Variants in CSMD1 observed in about 807,000 individuals in gnomAD.
The protein encoded by CSMD1 is CUB and Sushi multiple domains 1.
In CSMD1, 213 loss-of-function variants were observed where a neutral mutation model predicts 417.5. The ratio of observed to expected loss-of-function variants is 0.51; its 90% CI spans 0.46 to 0.57. CSMD1 has a LOEUF of 0.57. Ranked by LOEUF, CSMD1 falls within the 20% of genes least tolerant of loss-of-function variation. The probability of loss-of-function intolerance (pLI) is 0.00; values close to 1 mark genes in which losing one functional copy is unlikely to be tolerated. For synonymous variants in CSMD1, 2,862 were observed against 1,736.8 expected (o/e 1.65, Z -16.11); for missense variants, 6,923 against 4,529.7 (o/e 1.53, Z -15.17).
intron 5 of CSMD1, among the ~76,000 whole-genome samples, chr8:3,849,691 G>C (rs1043100864): frequency 1.3e-5 from 2 of 152,176 alleles, no homozygotes; most frequent in African/African-American, 4.8e-5. Flanking sequence ...GTCAACTGCT[G>C]AAATCAGGAT....
intron 26 of CSMD1, among the ~76,000 whole-genome samples, chr8:3,247,030 T>C (rs986945884): frequency 1.3e-5 from 2 of 152,182 alleles, no homozygotes; most frequent in Non-Finnish European, 2.9e-5. Flanking sequence ...CATGTATTCA[T>C]TTTTGTATTG....
intron 3 of CSMD1, among the ~76,000 whole-genome samples, chr8:4,338,815 G>A (rs545057035): frequency 1.3e-5 from 2 of 151,978 alleles, no homozygotes; most frequent in Admixed American, 6.6e-5. Flanking sequence ...AATTACTCTT[G>A]TGTTGCCTTA....
At chr8:4,914,756 A>C (rs1805938280) in intron 1 of CSMD1, among the ~76,000 whole-genome samples, 1 of 152,188 alleles carries the variant, frequency 6.6e-6, no homozygotes, top group African/African-American at 2.4e-5. Context: ...GTGTTTTCTC[A>C]GTTTACGTCA....
Position 4,688,703 on chromosome 8 carries a change from T to C in CSMD1, c.86-51145A>G, listed in dbSNP as rs140411696. Among the ~76,000 whole-genome samples, 363 of 152,290 alleles carry C rather than the reference T, an allele frequency of 2.4e-3. 15 individuals are homozygous for C. The South Asian group carries it at 0.058, about 24-fold the overall frequency. ...TAGTTATTTTCATATGAGATTCGTG[T>C]AGCACTCCACAAATGTCATCTCATT... On this transcript the variant is annotated intron_variant, in intron 1 of 69. Coordinates refer to ENST00000635120, the MANE Select transcript of CSMD1 (RefSeq NM_033225.6).
chr8:4,480,856 A>G (rs1423056793), intron 2 of CSMD1, among the ~76,000 whole-genome samples: 1 of 152,152 alleles, frequency 6.6e-6, no homozygotes, highest in African/African-American at 2.4e-5. Flanking sequence ...ATTGTCATTA[A>G]TCCCTGGGTC....
chr8:3,365,014 C>T (rs1055644897), intron 20 of CSMD1, among the ~76,000 whole-genome samples: 2 of 152,138 alleles, frequency 1.3e-5, no homozygotes, highest in Admixed American at 1.3e-4. Flanking sequence ...GCGTCACTGC[C>T]ATTTTCTTTT....
intron 11 of CSMD1, among the ~76,000 whole-genome samples, chr8:3,490,210 G>A (rs1051772914): frequency 1.3e-5 from 2 of 152,090 alleles, no homozygotes; most frequent in Non-Finnish European, 2.9e-5. Flanking sequence ...AGCTGATCCC[G>A]GCTGCATTAT....
chr8:3,128,983 G>A (rs1445758002), intron 41 of CSMD1: 1 of 395,528 alleles, frequency 2.5e-6, no homozygotes, highest in Non-Finnish European at 5.0e-6. Flanking sequence ...ATACTAGCAT[G>A]GAGTTAAGTG....
At chr8:4,215,377 G>A (rs553332993) in intron 3 of CSMD1, among the ~76,000 whole-genome samples, 9 of 152,192 alleles carry the variant, frequency 5.9e-5, no homozygotes, top group Non-Finnish European at 8.8e-5. Flanking sequence ...ATTTTAGATA[G>A]AACATGAATA....
At chr8:3,607,972 C>T (rs1801702027) in intron 8 of CSMD1, among the ~76,000 whole-genome samples, 1 of 152,032 alleles carries the variant, frequency 6.6e-6, no homozygotes, top group African/African-American at 2.4e-5. Context: ...GAGTTCAAGA[C>T]CAGCCTGGCA....
chr8:3,986,921 A>G (rs1814371196), intron 5 of CSMD1, among the ~76,000 whole-genome samples: 2 of 151,950 alleles, frequency 1.3e-5, no homozygotes, highest in South Asian at 2.1e-4. Flanking sequence ...TGCCCAGCTA[A>G]TTTTTGTATT....
intron 3 of CSMD1, among the ~76,000 whole-genome samples, chr8:4,170,760 G>C (rs74612109): frequency 6.6e-6 from 1 of 151,766 alleles, no homozygotes; most frequent in South Asian, 2.1e-4. Context: ...GAAAAAGGTA[G>C]CTAAGGGACA....
chr8:4,384,934 C>G (rs77990713), intron 3 of CSMD1, among the ~76,000 whole-genome samples: 1,682 of 152,264 alleles, frequency 0.011, 31 homozygotes, highest in African/African-American at 0.037. Context: ...AGGTAATCAT[C>G]TTCACATCAG....
intron 3 of CSMD1, among the ~76,000 whole-genome samples, chr8:4,298,239 C>T (rs1011797594): frequency 6.6e-6 from 1 of 152,110 alleles, no homozygotes; most frequent in African/African-American, 2.4e-5. Flanking sequence ...CCTGTTTCTG[C>T]AATTAAAACT....
At chr8:2,969,925 T>C (rs558496638) in intron 57 of CSMD1, among the ~76,000 whole-genome samples, 13 of 152,300 alleles carry the variant, frequency 8.5e-5, no homozygotes, top group African/African-American at 3.1e-4. Context: ...TATCATATAA[T>C]GCAGTTTTAG....
intron 5 of CSMD1, among the ~76,000 whole-genome samples, chr8:3,872,257 CT>C (rs1258588946): frequency 6.6e-6 from 1 of 152,096 alleles, no homozygotes; most frequent in East Asian, 1.9e-4. Context: ...GAAAAGGGTT[CT>C]TCTGTGAACT....
rs767668610 is a variant in CSMD1, at chr8:3,817,252, C to CTTTTTTT, written c.819-63217_819-63211dup. Among the ~76,000 whole-genome samples the CTTTTTTT allele has an allele frequency of 5.5e-4, 30 of 54,420 alleles. 5 individuals are homozygous for CTTTTTTT. The highest frequency in any genetic ancestry group is 1.7e-3 in the South Asian group (2 of 1,200). 35.7% of individuals were successfully genotyped at this position (54,420 alleles called of 152,430 possible). On this transcript the variant is annotated intron_variant, in intron 5 of 69. Transcript: ENST00000635120. Reference sequence around the variant, plus strand: ...TCCAAAGTGGTCATATCTTCTTCTTCTTTTTTTTTTTTTTTTTTTTTTTTT... The same window carrying CTTTTTTT: ...TCCAAAGTGGTCATATCTTCTTCTTCTTTTTTTTTTTTTTTTTTTTTTTTTTTTTTTT...
intron 5 of CSMD1, among the ~76,000 whole-genome samples, chr8:3,915,381 A>G (rs2688322): frequency 0.39 from 55,490 of 141,972 alleles, 13,210 homozygotes; most frequent in African/African-American, 0.68. Flanking sequence ...ACTCCAGCCT[A>G]GGCGTCACAG....
chr8:3,458,588 T>C (rs1241353514), intron 12 of CSMD1, among the ~76,000 whole-genome samples: 2 of 152,234 alleles, frequency 1.3e-5, no homozygotes, highest in African/African-American at 4.8e-5. Context: ...TAAAATCCTA[T>C]GTTCATCTTA....
Sources: allele counts gnomAD v4.1 joint callset (sites outside exome capture counted in the v4.1 genomes callset), GRCh38; gene constraint gnomAD v4.1.1; transcripts MANE v1.5; gene names NCBI Gene and HGNC (gene_info 2026-07-23, HGNC 2026-07-21).